The following DENND2A variants were observed in gnomAD, a reference collection of about 807,000 sequenced individuals.
DENND2A encodes DENN domain-containing protein 2A.
DENND2A carries 53 observed loss-of-function variants against 105.3 expected under a neutral mutation model. The observed-to-expected ratio is 0.50, with a 90% CI of 0.40 to 0.63. The LOEUF is 0.63. DENND2A is among the 30% of genes least tolerant of loss of function. DENND2A has a pLI of 0.00. For missense variants in DENND2A, 1,138 were observed against 1,279.6 expected (o/e 0.89, Z 1.69); for synonymous variants, 522 against 508.4 (o/e 1.03, Z -0.36).
At position 140,575,678 on chromosome 7, in the gene DENND2A, A is replaced by C. The variant is rs182751758; in HGVS notation, c.1246-1670T>G. On this transcript the variant is annotated intron_variant, in intron 5 of 19. Transcript: ENST00000496613. ...ACCATGCAATTATTTAAAAAATCTT[A>C]ATGTACTTGCCGGGCACGGTGGCTC... 4.1e-3 allele frequency among the ~76,000 whole-genome samples: 626 copies of C among 152,260 alleles called. 6 individuals carry two copies. The highest frequency in any genetic ancestry group is 0.015 in the African/African-American group (603 of 41,552).
chr7:140,623,468 G>A (rs1439969208), intron 1 of DENND2A, among the ~76,000 whole-genome samples: 2 of 151,826 alleles, frequency 1.3e-5, no homozygotes, highest in African/African-American at 2.4e-5. Context: ...GGTGGTTCAC[G>A]CCTGTAATCC....
At chr7:140,574,251 C>G (rs900437878) in intron 5 of DENND2A, among the ~76,000 whole-genome samples, 1 of 152,098 alleles carries the variant, frequency 6.6e-6, no homozygotes, top group Non-Finnish European at 1.5e-5. Flanking sequence ...TGGAATCTTA[C>G]TCTGTCACCC....
intron 12 of DENND2A, among the ~76,000 whole-genome samples, chr7:140,547,363 T>A (rs1796950286): frequency 6.6e-6 from 1 of 152,212 alleles, no homozygotes; most frequent in Admixed American, 6.5e-5. Flanking sequence ...ATATACAGTT[T>A]ATTTATGAAA....
At chr7:140,634,448 G>A (rs1246360856) in intron 1 of DENND2A, among the ~76,000 whole-genome samples, 1 of 152,056 alleles carries the variant, frequency 6.6e-6, no homozygotes, top group Non-Finnish European at 1.5e-5. Context: ...CACTGGTTTT[G>A]CCCCGAATAT....
chr7:140,550,992 G>A (rs1324559057), intron 12 of DENND2A, among the ~76,000 whole-genome samples: 1 of 151,776 alleles, frequency 6.6e-6, no homozygotes. Flanking sequence ...GGCTGCTTAG[G>A]GGGACAGTAA....
At chr7:140,531,472 G>C (rs1014948801) in intron 14 of DENND2A, among the ~76,000 whole-genome samples, 1 of 152,162 alleles carries the variant, frequency 6.6e-6, no homozygotes, top group African/African-American at 2.4e-5. Context: ...GAAAATAAGA[G>C]AGTGTGCTGC....
chr7:140,534,221 A>C (rs1288321692), intron 14 of DENND2A, among the ~76,000 whole-genome samples: 1 of 150,918 alleles, frequency 6.6e-6, no homozygotes, highest in Non-Finnish European at 1.5e-5. Flanking sequence ...AGTTGCTGGG[A>C]TTACAGGCAC....
chr7:140,570,221 A>G (rs952471311), intron 6 of DENND2A, among the ~76,000 whole-genome samples: 9 of 152,130 alleles, frequency 5.9e-5, no homozygotes, highest in Admixed American at 2.6e-4. Flanking sequence ...CCACACAGGA[A>G]CGTGACTGTC....
At chr7:140,591,867 TTTCC>T (rs918723214) in intron 3 of DENND2A, among the ~76,000 whole-genome samples, 3 of 110,616 alleles carry the variant, frequency 2.7e-5, no homozygotes, top group South Asian at 3.7e-4. Context: ...TTCCCTTCCC[TTTCC>T]TTCCTTCCTT....
chr7:140,608,980 T>A (rs1252517281), intron 1 of DENND2A, among the ~76,000 whole-genome samples: 4 of 152,168 alleles, frequency 2.6e-5, no homozygotes, highest in African/African-American at 9.7e-5. Flanking sequence ...CAGAGGCCAA[T>A]GTCCTGGCAT....
intron 1 of DENND2A, among the ~76,000 whole-genome samples, chr7:140,627,775 C>A (rs1037066920): frequency 6.6e-6 from 1 of 152,030 alleles, no homozygotes; most frequent in South Asian, 2.1e-4. Flanking sequence ...AATCTTCCCA[C>A]CTCAGCATCC....
chr7:140,599,675 C>G (rs1013638835), intron 3 of DENND2A, among the ~76,000 whole-genome samples: 11 of 151,466 alleles, frequency 7.3e-5, no homozygotes, highest in African/African-American at 2.7e-4. Context: ...CTGGGAATAA[C>G]TTATATATAT....
chr7:140,639,064 A>T (rs561852960), intron 1 of DENND2A, among the ~76,000 whole-genome samples: 1 of 152,292 alleles, frequency 6.6e-6, no homozygotes, highest in Admixed American at 6.5e-5. Context: ...GAATGAAAGG[A>T]CTGGAGGCCA....
At position 140,559,949 on chromosome 7, in the gene DENND2A, G is replaced by A. The variant is rs1554468184; in HGVS notation, c.1780-132C>T. On this transcript the variant is annotated intron_variant, in intron 9 of 19. Transcript: ENST00000496613. This position sits in a 1 kb window ranked among gnomAD's most constrained non-coding sequence, Gnocchi z 4.1. ...CCGCCTTAGCCTCTTCCCTTGGGAA[G>A]AGCTTGCAGCTCAGTCGGCTGGGGC... 6.9e-6 allele frequency: 5 copies of A among 724,194 alleles called. No individual in the cohort carries two copies. The highest frequency in any genetic ancestry group is 2.5e-4 in the Middle Eastern group (1 of 3,966). The allele number at this position is 724,194 out of a possible 1,614,324, so 44.9% of individuals were successfully genotyped here. A position where few individuals can be genotyped will look rare whatever the true frequency, so the allele number is the denominator to read the frequency against.
chr7:140,562,091 T>C (rs1311166321), intron 9 of DENND2A, among the ~76,000 whole-genome samples: 2 of 151,670 alleles, frequency 1.3e-5, no homozygotes, highest in African/African-American at 2.4e-5. Flanking sequence ...GGCTTCACCA[T>C]GTTGGCCAGG....
intron 12 of DENND2A, among the ~76,000 whole-genome samples, chr7:140,553,691 T>C (rs904421301): frequency 1.3e-5 from 2 of 152,226 alleles, no homozygotes; most frequent in South Asian, 2.1e-4. Flanking sequence ...TAGGGATTGG[T>C]GATGACTCTT....
At chr7:140,614,166 C>T (rs1387127625) in intron 1 of DENND2A, among the ~76,000 whole-genome samples, 28 of 152,044 alleles carry the variant, frequency 1.8e-4, no homozygotes, top group Admixed American at 1.7e-3. Flanking sequence ...TGCAGTGGCA[C>T]AATCTTGGCT....
In DENND2A at chr7:140,567,193, C is replaced by G; in HGVS notation, c.1672G>C (p.Glu558Gln). The change falls in exon 9 of 20, where the codon GAG becomes CAG. Residue 558 changes from glutamate to glutamine, a missense_variant. Physicochemically the swap from Glu to Gln is conservative, Grantham distance 29. This residue lies in a region of DENND2A where 627 missense variants were observed against 779.8 expected (regional missense o/e 0.80). Coordinates refer to ENST00000496613, the MANE Select transcript of DENND2A (RefSeq NM_015689.5). ...TCGAAGAGCTGCCTCTCCTGGTACT[C>G]GATGAGTTCCCGGGCAAGTGATGGG... ...RYPSLARELI[E>Q]YQERQLFEYF... 1 of 1,613,834 alleles carries G rather than the reference C, an allele frequency of 6.2e-7. No homozygotes were observed. Among genetic ancestry groups the G allele is most frequent in the Non-Finnish European group, 8.5e-7 (1 of 1,179,956 alleles).
chr7:140,545,019 G>A (rs1303900127), intron 13 of DENND2A: 3 of 318,218 alleles, frequency 9.4e-6, no homozygotes, highest in African/African-American at 2.2e-5. Flanking sequence ...CAGTGTGGAC[G>A]AACGGGATGA....
Sources: gnomAD v4.1 joint callset for allele counts (sites outside exome capture counted in the v4.1 genomes callset) on GRCh38, gnomAD v4.1.1 for gene constraint, gnomAD v4.1.1 regional missense constraint, Gnocchi (gnomAD v3.1) non-coding constraint, MANE v1.5 for transcripts, NCBI Gene and HGNC (gene_info 2026-07-23, HGNC 2026-07-21) for gene names.